STK4: variants seen among roughly 807,000 people sequenced by gnomAD.
STK4 encodes serine/threonine kinase 4, also known as serine/threonine-protein kinase 4.
Under a neutral mutation model 64.9 loss-of-function variants are expected in STK4, and 30 were observed. That is an observed-to-expected ratio of 0.46 (90% confidence interval 0.35 to 0.63). STK4 has a LOEUF of 0.63. STK4 is among the 20% of genes least tolerant of loss of function. STK4 has a pLI of 0.01. For missense variants in STK4, 466 were observed against 598.5 expected, an observed-to-expected ratio of 0.78 and a Z score of 2.31; for synonymous variants, 177 against 199.0, an observed-to-expected ratio of 0.89 and a Z score of 0.93.
At chr20:44,998,596 C>T (rs756107769) in intron 7 of STK4, among the ~76,000 whole-genome samples, 1 of 151,974 alleles carries the variant, frequency 6.6e-6, no homozygotes, top group Non-Finnish European at 1.5e-5. Flanking sequence ...CCTTTTTATG[C>T]CCATAATTTA....
At chr20:44,988,555 A>G (rs888056024) in intron 5 of STK4, among the ~76,000 whole-genome samples, 20 of 113,246 alleles carry the variant, frequency 1.8e-4, no homozygotes, top group Non-Finnish European at 2.5e-4. Flanking sequence ...ATATATATAT[A>G]TATATATATA....
At chr20:45,005,473 G>A (rs1218083648) in intron 9 of STK4, among the ~76,000 whole-genome samples, 4 of 151,800 alleles carry the variant, frequency 2.6e-5, no homozygotes, top group East Asian at 1.9e-4. Flanking sequence ...GTGAAACCCC[G>A]TCTCTACTAA....
chr20:45,013,988 A>G lies in STK4; in HGVS notation c.1148-10985A>G, dbSNP rs117560909. Among the ~76,000 whole-genome samples the G allele has an allele frequency of 8.0e-3, 1,211 of 152,204 alleles. 7 individuals carry two copies. The highest frequency in any genetic ancestry group is 0.024 in the Middle Eastern group (7 of 294). ...CATATTTTCTCTTTTATATTAAATT[A>G]TATATTTTCTCTTTCTTTTATCTTA... On this transcript the variant is annotated intron_variant, in intron 9 of 10. Coordinates refer to ENST00000372806, the MANE Select transcript of STK4 (RefSeq NM_006282.5).
intron 10 of STK4, among the ~76,000 whole-genome samples, chr20:45,045,325 A>G (rs1449944340): frequency 1.3e-5 from 2 of 152,212 alleles, no homozygotes; most frequent in African/African-American, 4.8e-5. Flanking sequence ...GAGCCCAGAG[A>G]CATTTTACAA....
intron 2 of STK4, chr20:44,975,382 T>G: frequency 5.1e-6 from 5 of 984,414 alleles, no homozygotes; most frequent in Non-Finnish European, 6.0e-6. Flanking sequence ...GCTATTGGAG[T>G]TTTCCTTGCT....
rs1456370800 is a variant in STK4 at position 44,986,253 on chromosome 20, G to A, written c.361-879G>A. The stretch of plus-strand genomic sequence containing the variant: ...GGGAATAGAGTATGAGCTAGAAATG[G>A]AGTAAGAAAGCCCTCTCCATTTTCT... On this transcript the variant is annotated intron_variant, in intron 4 of 10. Transcript: ENST00000372806. Among the ~76,000 whole-genome samples, 4 of 152,274 alleles carry A rather than the reference G, an allele frequency of 2.6e-5. No individual in the cohort carries two copies. In the East Asian group the frequency reaches 7.7e-4, roughly 29 times the overall value.
chr20:45,049,982 G>A (rs1411924304), intron 10 of STK4, among the ~76,000 whole-genome samples: 1 of 152,188 alleles, frequency 6.6e-6, no homozygotes, highest in East Asian at 1.9e-4. Flanking sequence ...AAAGCTTCAA[G>A]TTAGACTAGA....
chr20:45,025,530 C>G (rs184053124), intron 10 of STK4, among the ~76,000 whole-genome samples: 7 of 152,216 alleles, frequency 4.6e-5, no homozygotes, highest in African/African-American at 1.4e-4. Flanking sequence ...CTAATTTTAA[C>G]CCTGCTGAAA....
At chr20:45,005,366 C>A (rs1487199849) in intron 9 of STK4, among the ~76,000 whole-genome samples, 1 of 151,970 alleles carries the variant, frequency 6.6e-6, no homozygotes, top group Non-Finnish European at 1.5e-5. Flanking sequence ...ACATTAGCAG[C>A]TGGGCGCTGT....
chr20:45,014,706 T>C (rs562391141), intron 9 of STK4, among the ~76,000 whole-genome samples: 1 of 152,228 alleles, frequency 6.6e-6, no homozygotes, highest in East Asian at 1.9e-4. Flanking sequence ...CCACTAAAGA[T>C]TTGACATGCG....
chr20:45,009,416 C>A (rs977626423), intron 9 of STK4, among the ~76,000 whole-genome samples: 2 of 152,106 alleles, frequency 1.3e-5, no homozygotes, highest in African/African-American at 4.8e-5. Context: ...TGTACCAGTA[C>A]AAGAACAGCA....
At chr20:45,022,926 A>G (rs1356018449) in intron 9 of STK4, among the ~76,000 whole-genome samples, 1 of 152,234 alleles carries the variant, frequency 6.6e-6, no homozygotes, top group African/African-American at 2.4e-5. Flanking sequence ...TAATGAGACA[A>G]GAGAGGTTGG....
chr20:44,997,392 G>A (rs922183948), intron 7 of STK4, 86 bp downstream of exon 7: 1 of 1,494,434 alleles, frequency 6.7e-7, no homozygotes, highest in African/African-American at 1.4e-5. Context: ...CGTGGAGATA[G>A]TAAAGAAGTA....
chr20:45,072,492 T>G (rs905076291), intron 10 of STK4, among the ~76,000 whole-genome samples: 2 of 152,250 alleles, frequency 1.3e-5, no homozygotes, highest in African/African-American at 4.8e-5. Flanking sequence ...ACTAATTTAC[T>G]GTGTTTATTG....
intron 1 of STK4, among the ~76,000 whole-genome samples, chr20:44,968,416 C>T (rs1462134412): frequency 6.6e-6 from 1 of 152,220 alleles, no homozygotes; most frequent in Non-Finnish European, 1.5e-5. Flanking sequence ...GGATTACAGG[C>T]GTGAGCCACC....
At position 44,987,214 on chromosome 20, in the gene STK4, G is replaced by A. The variant is rs374685235; in HGVS notation, c.443G>A (p.Arg148Gln). 1.2e-6 allele frequency: 2 copies of A among 1,612,326 alleles called. No individual in the cohort carries two copies. Among genetic ancestry groups the A allele is most frequent in the Non-Finnish European group, 1.7e-6 (2 of 1,179,470 alleles). ...EYLHFMRKIH[R>Q]DIKAGNILLN... ...CTTCATTTTATGAGAAAAATACACCGAGATATCAAGGCAGGAAATATTTTG... is the reference window on the plus strand; with the variant it reads ...CTTCATTTTATGAGAAAAATACACCAAGATATCAAGGCAGGAAATATTTTG... Residue 148 changes from arginine to glutamine, a missense_variant, in exon 5 of 11, where the codon CGA becomes CAA. Coordinates refer to ENST00000372806, the MANE Select transcript of STK4 (RefSeq NM_006282.5).
Position 45,078,937 on chromosome 20 carries a change from A to T in STK4, c.*3761A>T, listed in dbSNP as rs1017106913. The T allele has an allele frequency of 2.6e-5, 4 of 152,248 alleles. No individual in the cohort carries two copies. Among genetic ancestry groups the T allele is most frequent in the African/African-American group, 9.6e-5 (4 of 41,462 alleles). The allele number at this position is 152,248 out of a possible 1,614,324, so 9.4% of individuals were successfully genotyped here. On this transcript the variant is annotated 3_prime_UTR_variant, in exon 11 of 11. Coordinates refer to ENST00000372806, the MANE Select transcript of STK4 (RefSeq NM_006282.5). Reference sequence around the variant, plus strand: ...GAATAATTTTATGCTAATAAATTTAACAACTTCAACATCATAAACAAATTC... The same window carrying T: ...GAATAATTTTATGCTAATAAATTTATCAACTTCAACATCATAAACAAATTC...
chr20:45,067,893 A>C (rs1424725879), intron 10 of STK4, among the ~76,000 whole-genome samples: 1 of 152,194 alleles, frequency 6.6e-6, no homozygotes, highest in African/African-American at 2.4e-5. Context: ...GGTTTCTCAC[A>C]TAGAGTTCAA....
intron 10 of STK4, among the ~76,000 whole-genome samples, chr20:45,066,699 G>A (rs1051953618): frequency 1.3e-5 from 2 of 152,154 alleles, no homozygotes; most frequent in Admixed American, 1.3e-4. Context: ...ACCTAAAATG[G>A]GATTGAGGCA....
Sources: allele counts gnomAD v4.1 joint callset (sites outside exome capture counted in the v4.1 genomes callset), GRCh38; gene constraint gnomAD v4.1.1; transcripts MANE v1.5; gene names NCBI Gene and HGNC (gene_info 2026-07-23, HGNC 2026-07-21).